The following MYO7A variants were observed in gnomAD, a reference collection of about 807,000 sequenced individuals.
MYO7A encodes the protein myosin VIIA, also known as unconventional myosin-VIIa.
Under a neutral mutation model 263.8 loss-of-function variants are expected in MYO7A, and 210 were observed. That is an observed-to-expected ratio of 0.80 (90% CI 0.71 to 0.89). The LOEUF (loss-of-function observed/expected upper bound fraction) is 0.89. Ranked by LOEUF, MYO7A falls within the 40% of genes least tolerant of loss-of-function variation. The pLI is 0.00. For synonymous variants in MYO7A, 1,239 were observed against 1,197.3 expected, an observed-to-expected ratio of 1.03 and a Z score of -0.72; for missense variants, 2,820 against 2,968.3, an observed-to-expected ratio of 0.95 and a Z score of 1.16.
chr11:77,192,714 G>C (rs1261236800), intron 31 of MYO7A, among the ~76,000 whole-genome samples: 9 of 152,140 alleles, frequency 5.9e-5, no homozygotes, highest in Admixed American at 5.9e-4. Context: ...TTCGATAATG[G>C]TAATGGTAGC....
intron 2 of MYO7A, among the ~76,000 whole-genome samples, chr11:77,139,044 G>C (rs891436534): frequency 6.6e-6 from 1 of 152,240 alleles, no homozygotes; most frequent in African/African-American, 2.4e-5. Context: ...AGACCGGCTT[G>C]ATGCCTGGGA....
chr11:77,213,202 G>A (rs968568816), intron 47 of MYO7A, among the ~76,000 whole-genome samples, 167 bp downstream of exon 47: 1 of 152,158 alleles, frequency 6.6e-6, no homozygotes, highest in African/African-American at 2.4e-5. Flanking sequence ...TTTACCCAAC[G>A]CTTGCTCCAC....
At chr11:77,194,232 A>C (rs1956468271) in intron 31 of MYO7A, 122 bp from the exon 32 acceptor site, 4 of 1,193,214 alleles carry the variant, frequency 3.4e-6, no homozygotes, top group Admixed American at 2.0e-5. Context: ...TGGGTCCCAA[A>C]GGCCAGGCTC....
At chr11:77,169,209 C>T (rs1347460612) in intron 15 of MYO7A, among the ~76,000 whole-genome samples, 1 of 152,262 alleles carries the variant, frequency 6.6e-6, no homozygotes, top group Non-Finnish European at 1.5e-5. Context: ...TCTGCACTCC[C>T]ATCATCGGCA....
chr11:77,202,052 T>C (rs558247289), intron 36 of MYO7A, among the ~76,000 whole-genome samples: 1 of 152,198 alleles, frequency 6.6e-6, no homozygotes, highest in Admixed American at 6.5e-5. Context: ...TCCCGCTGCC[T>C]TGTCCAGGCT....
At chr11:77,158,515 A>G in intron 9 of MYO7A, 85 bp downstream of exon 9, 2 of 1,475,318 alleles carry the variant, frequency 1.4e-6, no homozygotes, top group Non-Finnish European at 1.8e-6. Flanking sequence ...TTGGCAGCTC[A>G]GTTTCTGTCC....
chr11:77,143,878 C>T (rs566293922), intron 3 of MYO7A, among the ~76,000 whole-genome samples: 1 of 152,240 alleles, frequency 6.6e-6, no homozygotes, highest in African/African-American at 2.4e-5. Flanking sequence ...AGGTGCTTGA[C>T]AAGGAGTGGG....
intron 38 of MYO7A, among the ~76,000 whole-genome samples, chr11:77,203,502 C>T (rs1260043421): frequency 2.0e-5 from 3 of 152,194 alleles, no homozygotes; most frequent in East Asian, 3.9e-4. Context: ...ACCATACACA[C>T]ATCCAGATCA....
At chr11:77,194,105 C>T (rs756815467) in intron 31 of MYO7A, 30 of 676,566 alleles carry the variant, frequency 4.4e-5, no homozygotes, top group Non-Finnish European at 7.6e-5. Flanking sequence ...TGGGCAGAGT[C>T]CAGCTCCATG....
At position 77,189,447 on chromosome 11, in the gene MYO7A, G is replaced by T. The variant is rs568301918; in HGVS notation, c.3607G>T (p.Ala1203Ser). ...CGTGTCTCTCTGCGTGGGCTGTTTC[G>T]CCCCCTCCGAGAAGTTTGTCAAGGT... ...ILVSLCVGCF[A>S]PSEKFVKYLR... The change falls in exon 28 of 49, where the codon GCC (alanine) becomes TCC (serine). Residue 1203 changes from alanine to serine, a missense_variant. Coordinates refer to ENST00000409709, the MANE Select transcript of MYO7A (RefSeq NM_000260.4). The T allele has an allele frequency of 6.2e-6, 10 of 1,613,812 alleles. No individual in the cohort carries two copies. Among genetic ancestry groups the T allele is most frequent in the South Asian group, 1.1e-5 (1 of 91,076 alleles).
At chr11:77,193,557 GGTA>G (rs1956402190) in intron 31 of MYO7A, among the ~76,000 whole-genome samples, 1 of 152,056 alleles carries the variant, frequency 6.6e-6, no homozygotes, top group South Asian at 2.1e-4. Flanking sequence ...AGGTAGTGGT[GGTA>G]GTTTTGTTGG....
At chr11:77,197,949 G>T (rs1011767733) in intron 33 of MYO7A, among the ~76,000 whole-genome samples, 1 of 152,248 alleles carries the variant, frequency 6.6e-6, no homozygotes, top group Non-Finnish European at 1.5e-5. Context: ...AGTGGTGCAC[G>T]GGATTGAAAA....
rs149931272 is a variant in MYO7A at position 77,182,389 on chromosome 11, C to CCGCTCTGGCCTCTGACATGTG, written c.3109-16_3109-15insTGCGCTCTGGCCTCTGACATG. On this transcript the variant is annotated intron_variant, in intron 24 of 48. Coordinates refer to ENST00000409709, the MANE Select transcript of MYO7A (RefSeq NM_000260.4). Reference sequence around the variant, plus strand: ...ATTTTGACAGCTTTAGCAATGTCCTCCGCTCTGGCCTCTGACATGCGCGCT... The same window carrying CCGCTCTGGCCTCTGACATGTG: ...ATTTTGACAGCTTTAGCAATGTCCTCCGCTCTGGCCTCTGACATGTGCGCTCTGGCCTCTGACATGCGCGCT... The CCGCTCTGGCCTCTGACATGTG allele has an allele frequency of 1.8e-3, 2,862 of 1,580,952 alleles. 49 individuals are homozygous for CCGCTCTGGCCTCTGACATGTG. In the African/African-American group the frequency reaches 0.034, roughly 19 times the overall value.
rs1322438224 is a variant in MYO7A at position 77,213,027 on chromosome 11, A to C, written c.6430A>C (p.Lys2144Gln). The change falls in exon 47 of 49, where the codon AAA becomes CAA. Residue 2144 changes from lysine to glutamine, a missense_variant. Transcript: ENST00000409709. Reference protein sequence around the residue: ...NKYGVSLIDPKTKDILTTHPF... With the variant: ...NKYGVSLIDPQTKDILTTHPF... ...GTATGGGGTCAGCCTCATCGATCCC[A>C]AAACGAAGGTGAGCAGGGATAAGGC... 4 of 1,575,554 alleles carry C rather than the reference A, an allele frequency of 2.5e-6. No homozygotes were observed. The African/African-American group carries it at 5.4e-5, about 21-fold the overall frequency.
chr11:77,210,265 C>T (rs930990300), intron 44 of MYO7A, among the ~76,000 whole-genome samples: 3 of 152,258 alleles, frequency 2.0e-5, no homozygotes, highest in South Asian at 2.1e-4. Context: ...CATAGATGTT[C>T]AATGCATGCT....
Position 77,179,765 on chromosome 11 carries a change from C to A in MYO7A, c.2398C>A (p.Leu800Met), listed in dbSNP as rs1555082585. The change falls in exon 21 of 49, where the codon CTG (leucine) becomes ATG (methionine). Residue 800 changes from leucine to methionine, a missense_variant. Transcript: ENST00000409709. ...TCTGGGCTTCCTGCGGCTGCAGGCC[C>A]TGCACCGCTCCCGGAAGCTGCACCA... is the stretch of plus-strand genomic sequence containing the variant. ...MRLGFLRLQA[L>M]HRSRKLHQQY... is the part of the protein sequence containing the mutation. The A allele has an allele frequency of 2.6e-6, 4 of 1,550,916 alleles. No individual in the cohort carries two copies. The highest frequency in any genetic ancestry group is 1.2e-5 in the South Asian group (1 of 84,322).
At position 77,158,440 on chromosome 11, in the gene MYO7A, C is replaced by T. The variant is rs782382971; in HGVS notation, c.1003+10C>T. 216 of 1,608,370 alleles carry T rather than the reference C, an allele frequency of 1.3e-4. No homozygotes were observed. Among genetic ancestry groups the T allele is most frequent in the Non-Finnish European group, 1.7e-4 (200 of 1,178,464 alleles). On this transcript the variant is annotated intron_variant, in intron 9 of 48. Transcript: ENST00000409709. ...AACCTGCAGTATGAGGGTGAGGCTG[C>T]GCCACACTCGCCCTGCCCCACCCCT...
Position 77,184,644 on chromosome 11 carries a change from G to A in MYO7A, c.3432G>A (p.Glu1144=). 1 of 1,585,842 alleles carries A rather than the reference G, an allele frequency of 6.3e-7. No homozygotes were observed. Among genetic ancestry groups the A allele is most frequent in the Non-Finnish European group, 8.6e-7 (1 of 1,165,630 alleles). Residue 1144 remains glutamate, a synonymous_variant, in exon 27 of 49, where the codon GAG becomes GAA. Transcript: ENST00000409709. ...ESTVQGNSML[E]DRPTSNLEKL... is the part of the protein sequence containing the mutation. ...CAGTGCAGGGCAACAGCATGCTGGA[G>A]GACCGGCCCACCTCCAACCTGGAGA...
rs782684516 is a variant in MYO7A at position 77,189,375 on chromosome 11, C to G, written c.3535C>G (p.Leu1179Val). The G allele has an allele frequency of 6.2e-7, 1 of 1,613,672 alleles. No individual in the cohort carries two copies. The highest frequency in any genetic ancestry group is 1.7e-5 in the Admixed American group (1 of 60,006). ...GATCTACTGCCAGATCAGCAAGCAGCTGACCCACAACCCCTCCAAGAGCAG... is the reference window on the plus strand; with the variant it reads ...GATCTACTGCCAGATCAGCAAGCAGGTGACCCACAACCCCTCCAAGAGCAG... The part of the protein sequence containing the change: ...DEIYCQISKQ[L>V]THNPSKSSYA... Residue 1179 changes from leucine to valine, a missense_variant, in exon 28 of 49, where the codon CTG becomes GTG. Physicochemically the swap from Leu to Val is conservative, Grantham distance 32 (BLOSUM62 1). Transcript: ENST00000409709.
Sources: allele counts gnomAD v4.1 joint callset (sites outside exome capture counted in the v4.1 genomes callset), GRCh38; gene constraint gnomAD v4.1.1; transcripts MANE v1.5; gene names NCBI Gene and HGNC (gene_info 2026-07-23, HGNC 2026-07-21).